The following CHD7 variants were observed in gnomAD, a reference collection of about 807,000 sequenced individuals.
CHD7 encodes ATP-dependent chromatin remodeler CHD7.
CHD7 carries 24 observed loss-of-function variants against 307.3 expected under a neutral mutation model. The observed-to-expected ratio is 0.08, with a 90% CI of 0.06 to 0.11. The LOEUF (loss-of-function observed/expected upper bound fraction) is 0.11. CHD7 is among the 10% of genes least tolerant of loss of function. The pLI is 1.00. For missense variants in CHD7, 3,106 were observed against 3,727.1 expected, an observed-to-expected ratio of 0.83 and a Z score of 4.34; for synonymous variants, 1,363 against 1,349.9, an observed-to-expected ratio of 1.01 and a Z score of -0.21.
intron 21 of CHD7, among the ~76,000 whole-genome samples, chr8:60,843,553 G>A (rs1459659562): frequency 6.6e-6 from 1 of 152,208 alleles, no homozygotes; most frequent in Non-Finnish European, 1.5e-5. Flanking sequence ...GTGGAGCTCT[G>A]AGCAAGACAG....
rs1163413644 is a variant in CHD7, at chr8:60,867,787, A to C, written c.*1854A>C. On this transcript the variant is annotated 3_prime_UTR_variant, in exon 38 of 38. Coordinates refer to ENST00000423902, the MANE Select transcript of CHD7 (RefSeq NM_017780.4). ...GGGAAAGAAACAACCTGAACCCTCC[A>C]CCTTACAGATCCTGTGATTGCTTTT... 2 of 152,170 alleles carry C rather than the reference A, an allele frequency of 1.3e-5. No homozygotes were observed. The highest frequency in any genetic ancestry group is 2.9e-5 in the Non-Finnish European group (2 of 68,038). The allele number at this position is 152,170 out of a possible 1,614,324, so 9.4% of individuals were successfully genotyped here.
intron 34 of CHD7, among the ~76,000 whole-genome samples, chr8:60,858,131 C>T (rs1179720830): frequency 6.6e-6 from 1 of 152,214 alleles, no homozygotes; most frequent in Non-Finnish European, 1.5e-5. Context: ...TAGCACGTGT[C>T]TGTGATCCCA....
chr8:60,731,225 A>AG (rs1808439408), intron 1 of CHD7, among the ~76,000 whole-genome samples: 1 of 150,744 alleles, frequency 6.6e-6, no homozygotes, highest in Non-Finnish European at 1.5e-5. Context: ...TCATAAAGAA[A>AG]AAAGTTTGTG....
chr8:60,802,337 G>T (rs771649671), intron 6 of CHD7, among the ~76,000 whole-genome samples: 21 of 152,158 alleles, frequency 1.4e-4, no homozygotes, highest in Non-Finnish European at 2.5e-4. Context: ...TGCTTAGTTT[G>T]AATAATTACA....
In CHD7 at chr8:60,856,786, A is replaced by C; in HGVS notation, c.7506A>C (p.Leu2502=). 1 of 1,611,702 alleles carries C rather than the reference A, an allele frequency of 6.2e-7. No individual in the cohort carries two copies. Among genetic ancestry groups the C allele is most frequent in the Non-Finnish European group, 8.5e-7 (1 of 1,178,438 alleles). ...CAAGGCATCTCCTTAATGGCTCCCTAGTGGATGGAGAGCCTCCCATGAAGA... is the reference window on the plus strand; with the variant it reads ...CAAGGCATCTCCTTAATGGCTCCCTCGTGGATGGAGAGCCTCCCATGAAGA... ...TPTRHLLNGS[L]VDGEPPMKRR... The change falls in exon 34 of 38, where the codon CTA becomes CTC. Residue 2502 remains leucine (L), a synonymous_variant. Transcript: ENST00000423902.
intron 2 of CHD7, among the ~76,000 whole-genome samples, chr8:60,776,063 C>A (rs994993134): frequency 6.6e-6 from 1 of 152,178 alleles, no homozygotes; most frequent in African/African-American, 2.4e-5. Context: ...TTTAGCCTAT[C>A]ACAGAATTCT....
At chr8:60,699,483 A>G (rs1035185582) in intron 1 of CHD7, among the ~76,000 whole-genome samples, 2 of 152,176 alleles carry the variant, frequency 1.3e-5, no homozygotes, top group South Asian at 2.1e-4. Context: ...GAGCCAGCGT[A>G]ATGTGATAGG....
chr8:60,740,383 T>C (rs1808933305), intron 1 of CHD7, among the ~76,000 whole-genome samples: 3 of 152,234 alleles, frequency 2.0e-5, no homozygotes, highest in Admixed American at 1.3e-4. Context: ...TCCACTCAAC[T>C]AGTTTTCTCT....
intron 1 of CHD7, among the ~76,000 whole-genome samples, chr8:60,724,250 C>T (rs184465510): frequency 1.6e-3 from 251 of 152,296 alleles, no homozygotes; most frequent in Non-Finnish European, 2.5e-3. Context: ...TTTTTAAAGG[C>T]AGTGTTTAAT....
At chr8:60,743,540 TC>T (rs1809169500) in intron 2 of CHD7, among the ~76,000 whole-genome samples, 5 of 152,260 alleles carry the variant, frequency 3.3e-5, no homozygotes, top group Non-Finnish European at 7.3e-5. Flanking sequence ...GTGATATTTT[TC>T]TTGGGAAGCT....
chr8:60,804,387 G>A (rs192153558), intron 6 of CHD7, among the ~76,000 whole-genome samples: 2 of 151,900 alleles, frequency 1.3e-5, no homozygotes, highest in African/African-American at 4.8e-5. Context: ...AAAGTGAATT[G>A]TGACTGTATT....
At chr8:60,687,525 C>G (rs1225527489) in intron 1 of CHD7, among the ~76,000 whole-genome samples, 2 of 152,230 alleles carry the variant, frequency 1.3e-5, no homozygotes, top group African/African-American at 4.8e-5. Flanking sequence ...CAAGAAAAAT[C>G]ATACATATTC....
intron 25 of CHD7, 27 bp from the exon 26 acceptor site, chr8:60,850,466 T>C (rs1463076376): frequency 2.5e-6 from 4 of 1,582,978 alleles, no homozygotes; most frequent in Non-Finnish European, 3.5e-6. Flanking sequence ...TCTGTGTGTT[T>C]TCTGTGCACG....
At chr8:60,807,990 A>G (rs1812616294) in intron 6 of CHD7, among the ~76,000 whole-genome samples, 1 of 152,216 alleles carries the variant, frequency 6.6e-6, no homozygotes, top group South Asian at 2.1e-4. Context: ...AAAGTGATTC[A>G]TGTCTTAGAA....
intron 2 of CHD7, among the ~76,000 whole-genome samples, chr8:60,760,365 C>T (rs989814106): frequency 6.7e-6 from 1 of 149,486 alleles, no homozygotes; most frequent in Non-Finnish European, 1.5e-5. Flanking sequence ...AAGACTTAAA[C>T]GTTAGACCTA....
chr8:60,684,908 A>G (rs1385706396), intron 1 of CHD7, among the ~76,000 whole-genome samples: 1 of 152,156 alleles, frequency 6.6e-6, no homozygotes, highest in Non-Finnish European at 1.5e-5. Context: ...AATGATTTGG[A>G]CTAGATTGGT....
chr8:60,795,956 C>T (rs181054131), intron 4 of CHD7, among the ~76,000 whole-genome samples: 3 of 152,304 alleles, frequency 2.0e-5, no homozygotes, highest in African/African-American at 7.2e-5. Flanking sequence ...TAGAAGCTTA[C>T]TGGACTTTTT....
At chr8:60,803,749 ATATTCTCAAAGTAGATACTTT>A (rs1449099940) in intron 6 of CHD7, among the ~76,000 whole-genome samples, 1 of 152,252 alleles carries the variant, frequency 6.6e-6, no homozygotes, top group Non-Finnish European at 1.5e-5. Context: ...TAAACTGCTA[ATATTCTCAAAGTAGATACTTT>A]AGTTATCACC....
At chr8:60,715,538 C>CA (rs1396393965) in intron 1 of CHD7, among the ~76,000 whole-genome samples, 2 of 152,018 alleles carry the variant, frequency 1.3e-5, no homozygotes, top group African/African-American at 4.8e-5. Context: ...AGGCTGGTCT[C>CA]AAACTCCTGA....
Sources: gnomAD v4.1 joint callset for allele counts (sites outside exome capture counted in the v4.1 genomes callset) on GRCh38, gnomAD v4.1.1 for gene constraint, MANE v1.5 for transcripts, NCBI Gene and HGNC (gene_info 2026-07-23, HGNC 2026-07-21) for gene names.